Variants in RAB3C observed in about 807,000 individuals in gnomAD.
The protein encoded by RAB3C is ras-related protein Rab-3C.
Under a neutral mutation model 26.4 loss-of-function variants are expected in RAB3C, and 17 were observed. That is an observed-to-expected ratio of 0.64 (90% CI 0.44 to 0.97). The LOEUF (loss-of-function observed/expected upper bound fraction) is 0.97, where lower values mean the gene tolerates loss of function less well. Ranked by LOEUF, RAB3C falls within the 50% of genes least tolerant of loss-of-function variation. The pLI is 0.00. For missense variants in RAB3C, 242 were observed against 281.9 expected, an observed-to-expected ratio of 0.86 and a Z score of 1.01; for synonymous variants, 91 against 95.9, an observed-to-expected ratio of 0.95 and a Z score of 0.30.
chr5:58,692,989 C>G (rs1256587769), intron 2 of RAB3C, among the ~76,000 whole-genome samples: 2 of 151,828 alleles, frequency 1.3e-5, no homozygotes, highest in East Asian at 3.9e-4. Context: ...TGCCTGTAAT[C>G]CCAGCTACTC....
intron 2 of RAB3C, among the ~76,000 whole-genome samples, chr5:58,680,389 G>A (rs917397343): frequency 6.6e-6 from 1 of 152,202 alleles, no homozygotes; most frequent in Admixed American, 6.5e-5. Context: ...GAAGTGAATT[G>A]TAAGAATAAA....
rs750681434 is a variant in RAB3C, at chr5:58,851,340, T to C, written c.673T>C (p.Cys225Arg). Residue 225 changes from cysteine (C) to arginine (R), a missense_variant, in exon 5 of 5, where the codon TGT becomes CGT. Physicochemically the swap from Cys to Arg is radical, Grantham distance 180. Coordinates refer to ENST00000282878, the MANE Select transcript of RAB3C (RefSeq NM_138453.4). ...AACTCCTCCTCCACCGCAGCCCAAC[T>C]GTGCCTGCTAGTGTCCCCGTGCACA... ...KETPPPPQPN[C>R]AC 1.2e-6 allele frequency: 2 copies of C among 1,600,886 alleles called. No homozygotes were observed. Among genetic ancestry groups the C allele is most frequent in the Non-Finnish European group, 1.7e-6 (2 of 1,175,246 alleles).
intron 2 of RAB3C, among the ~76,000 whole-genome samples, chr5:58,652,024 A>T (rs1234366534): frequency 6.6e-6 from 1 of 151,808 alleles, no homozygotes; most frequent in Non-Finnish European, 1.5e-5. Context: ...AATATTTTCC[A>T]TACTTGGTTG....
intron 2 of RAB3C, among the ~76,000 whole-genome samples, chr5:58,663,377 A>C (rs575867628): frequency 7.3e-5 from 11 of 150,460 alleles, no homozygotes; most frequent in African/African-American, 2.3e-4. Context: ...GGATAGAATT[A>C]GTAGATCCAT....
intron 3 of RAB3C, among the ~76,000 whole-genome samples, chr5:58,818,928 G>A (rs1023162361): frequency 7.2e-5 from 11 of 152,140 alleles, no homozygotes; most frequent in African/African-American, 2.7e-4. Flanking sequence ...AGACACATAA[G>A]GGGAAGGTCA....
At chr5:58,714,462 TA>T (rs1326746108) in intron 2 of RAB3C, among the ~76,000 whole-genome samples, 2 of 152,080 alleles carry the variant, frequency 1.3e-5, no homozygotes, top group Non-Finnish European at 2.9e-5. Flanking sequence ...ATGGGATTTC[TA>T]AAAAAATGCA....
At chr5:58,791,406 G>A (rs904196243) in intron 3 of RAB3C, among the ~76,000 whole-genome samples, 5 of 152,226 alleles carry the variant, frequency 3.3e-5, no homozygotes, top group African/African-American at 1.2e-4. Context: ...TGAAGAGTTA[G>A]ATGTTGGGCT....
At chr5:58,643,989 T>C (rs1227723400) in intron 2 of RAB3C, among the ~76,000 whole-genome samples, 2 of 151,946 alleles carry the variant, frequency 1.3e-5, no homozygotes, top group Non-Finnish European at 2.9e-5. Flanking sequence ...CCTGACTAAT[T>C]TTCGTACTTT....
chr5:58,642,006 A>G (rs71626113), intron 2 of RAB3C, among the ~76,000 whole-genome samples: 16,420 of 152,202 alleles, frequency 0.11, 986 homozygotes, highest in Middle Eastern at 0.2. Context: ...GTTCTCCTCT[A>G]GAAAATAAGG....
At chr5:58,799,762 A>G (rs1742762667) in intron 3 of RAB3C, among the ~76,000 whole-genome samples, 1 of 152,160 alleles carries the variant, frequency 6.6e-6, no homozygotes, top group African/African-American at 2.4e-5. Context: ...AAACTCTTGT[A>G]GCATGCTGGG....
chr5:58,745,125 C>T (rs1324336877), intron 3 of RAB3C, among the ~76,000 whole-genome samples: 5 of 151,928 alleles, frequency 3.3e-5, no homozygotes, highest in African/African-American at 9.7e-5. Flanking sequence ...GGGCCGGGCG[C>T]GGTGGCTCAC....
chr5:58,847,058 G>A (rs997934988), intron 4 of RAB3C: 20 of 152,036 alleles, frequency 1.3e-4, no homozygotes, highest in African/African-American at 4.4e-4. Context: ...TGCATCTCAC[G>A]AACAGTGCCG....
intron 1 of RAB3C, among the ~76,000 whole-genome samples, chr5:58,612,524 A>ATATATATATATATATATATATATG (rs1331490207): frequency 1.7e-5 from 1 of 58,860 alleles, no homozygotes; most frequent in Non-Finnish European, 3.0e-5. Flanking sequence ...GTGTGTGTAT[A>ATATATATATATATATATATATATG]TATATATATA....
At chr5:58,597,062 A>T (rs917516766) in intron 1 of RAB3C, among the ~76,000 whole-genome samples, 13 of 380 alleles carry the variant, frequency 0.034, 1 homozygote, top group African/African-American at 0.091. Flanking sequence ...TATAATACAT[A>T]ATATATATTA....
chr5:58,694,913 G>C (rs1158330835), intron 2 of RAB3C, among the ~76,000 whole-genome samples: 1 of 152,122 alleles, frequency 6.6e-6, no homozygotes, highest in Non-Finnish European at 1.5e-5. Flanking sequence ...TTCTTTTGCC[G>C]TGCAGAGGCT....
chr5:58,629,732 G>A (rs1561272430), intron 2 of RAB3C, among the ~76,000 whole-genome samples: 2 of 152,174 alleles, frequency 1.3e-5, no homozygotes, highest in Admixed American at 6.5e-5. Context: ...GACATCCTAT[G>A]TTATTGGCTG....
chr5:58,630,226 C>A (rs1747160608), intron 2 of RAB3C, among the ~76,000 whole-genome samples: 1 of 152,112 alleles, frequency 6.6e-6, no homozygotes, highest in Admixed American at 6.5e-5. Context: ...GCCTTGCAGG[C>A]AAAATATATT....
At chr5:58,606,544 C>A (rs1270842316) in intron 1 of RAB3C, among the ~76,000 whole-genome samples, 1 of 152,200 alleles carries the variant, frequency 6.6e-6, no homozygotes, top group East Asian at 1.9e-4. Flanking sequence ...AGCAGTGGTT[C>A]TCCCAGCACA....
chr5:58,589,038 G>T (rs930653249), intron 1 of RAB3C, among the ~76,000 whole-genome samples: 4 of 151,836 alleles, frequency 2.6e-5, no homozygotes, highest in Non-Finnish European at 5.9e-5. Context: ...ATTAGCTGTA[G>T]GGTTTTGTTA....
Sources: allele counts gnomAD v4.1 joint callset (sites outside exome capture counted in the v4.1 genomes callset), GRCh38; gene constraint gnomAD v4.1.1; transcripts MANE v1.5; gene names NCBI Gene and HGNC (gene_info 2026-07-23, HGNC 2026-07-21).